Variants in ST8SIA5 observed in about 807,000 individuals in gnomAD.
ST8SIA5 encodes ST8 alpha-N-acetyl-neuraminide alpha-2,8-sialyltransferase 5.
ST8SIA5 carries 24 observed loss-of-function variants against 40.2 expected under a neutral mutation model. The ratio of observed to expected loss-of-function variants is 0.60; its 90% CI spans 0.43 to 0.84. ST8SIA5 has a LOEUF of 0.84. ST8SIA5 is among the 40% of genes least tolerant of loss of function. ST8SIA5 has a pLI of 0.00. For synonymous variants in ST8SIA5, 198 were observed against 201.8 expected, an observed-to-expected ratio of 0.98 and a Z score of 0.16; for missense variants, 465 against 498.5, an observed-to-expected ratio of 0.93 and a Z score of 0.64.
At chr18:46,692,774 A>G (rs114360693) in intron 2 of ST8SIA5, among the ~76,000 whole-genome samples, 165 of 151,922 alleles carry the variant, frequency 1.1e-3, no homozygotes, top group African/African-American at 3.8e-3. Context: ...TTAGCAAACA[A>G]CTGTCCTGCA....
At chr18:46,710,760 G>T (rs1397496381) in intron 1 of ST8SIA5, among the ~76,000 whole-genome samples, 1 of 151,904 alleles carries the variant, frequency 6.6e-6, no homozygotes, top group East Asian at 1.9e-4. Flanking sequence ...TCCCCTGTTG[G>T]CCTGATTCCC....
chr18:46,704,310 G>A (rs1040437259), intron 2 of ST8SIA5, among the ~76,000 whole-genome samples: 1 of 152,136 alleles, frequency 6.6e-6, no homozygotes, highest in African/African-American at 2.4e-5. Context: ...AGTAATTGAG[G>A]CGGGGACTTT....
At chr18:46,720,765 C>G (rs1230882559) in intron 1 of ST8SIA5, among the ~76,000 whole-genome samples, 2 of 152,194 alleles carry the variant, frequency 1.3e-5, no homozygotes, top group Non-Finnish European at 2.9e-5. Flanking sequence ...CCACAATACC[C>G]TCCCTGCAAT....
At position 46,669,318 on chromosome 18, in the gene ST8SIA5, A is replaced by C. The variant is rs1385443624; in HGVS notation, c.*10724T>G. 2 of 152,278 alleles carry C rather than the reference A, an allele frequency of 1.3e-5. No homozygotes were observed. Among genetic ancestry groups the C allele is most frequent in the African/African-American group, 4.8e-5 (2 of 41,444 alleles). The allele number at this position is 152,278 out of a possible 1,614,324, so 9.4% of individuals were successfully genotyped here. A position where few individuals can be genotyped will look rare whatever the true frequency, so the allele number is the denominator to read the frequency against. On this transcript the variant is annotated 3_prime_UTR_variant, in exon 7 of 7. Transcript: ENST00000315087. Reference sequence around the variant, plus strand: ...CCTTGAGGAAGCCTTGGCACCCAAAAGGAGATGTCCATCACCCACCATGGG... The same window carrying C: ...CCTTGAGGAAGCCTTGGCACCCAAACGGAGATGTCCATCACCCACCATGGG...
chr18:46,755,660 C>CT (rs1436957578), intron 1 of ST8SIA5, among the ~76,000 whole-genome samples: 1 of 152,090 alleles, frequency 6.6e-6, no homozygotes, highest in East Asian at 1.9e-4. Context: ...TCCTACTGCT[C>CT]TTTCTCTTGG....
chr18:46,685,836 T>C (rs2039440730), intron 5 of ST8SIA5: 1 of 284,526 alleles, frequency 3.5e-6, no homozygotes, highest in African/African-American at 2.1e-5. Context: ...TTCCAACCAC[T>C]GCTTCTGGAA....
At chr18:46,713,071 G>A (rs1313407716) in intron 1 of ST8SIA5, among the ~76,000 whole-genome samples, 1 of 152,192 alleles carries the variant, frequency 6.6e-6, no homozygotes, top group Admixed American at 6.5e-5. Context: ...CTGGGCCTGT[G>A]GGCCACCCAG....
intron 1 of ST8SIA5, among the ~76,000 whole-genome samples, chr18:46,726,007 A>ATATATATATC (rs1599137439): frequency 4.6e-5 from 3 of 65,284 alleles, no homozygotes; most frequent in Non-Finnish European, 8.6e-5. Context: ...ATATATATAT[A>ATATATATATC]TATCCTGGAT....
At chr18:46,746,613 G>A (rs1265740234) in intron 1 of ST8SIA5, among the ~76,000 whole-genome samples, 1 of 152,156 alleles carries the variant, frequency 6.6e-6, no homozygotes, top group East Asian at 1.9e-4. Context: ...TGGATAGGAA[G>A]AATCAATATC....
rs1416752003 is a variant in ST8SIA5 at position 46,756,769 on chromosome 18, A to G, written c.-261T>C. The G allele has an allele frequency of 1.4e-5, 6 of 417,374 alleles. No individual in the cohort carries two copies. Among genetic ancestry groups the G allele is most frequent in the African/African-American group, 2.1e-5 (1 of 47,436 alleles). The allele number at this position is 417,374 out of a possible 1,614,324, so 25.9% of individuals were successfully genotyped here. On this transcript the variant is annotated 5_prime_UTR_variant, in exon 1 of 7. Coordinates refer to ENST00000315087, the MANE Select transcript of ST8SIA5 (RefSeq NM_013305.6). Reference sequence around the variant, plus strand: ...CCAGGGGCCTTCCCCACCCCCGGGTACCTTTACCTCCAGGCGCCGGTGCCG... The same window carrying G: ...CCAGGGGCCTTCCCCACCCCCGGGTGCCTTTACCTCCAGGCGCCGGTGCCG...
chr18:46,683,553 AG>A (rs547150396), intron 5 of ST8SIA5, among the ~76,000 whole-genome samples: 11 of 152,160 alleles, frequency 7.2e-5, no homozygotes, highest in Non-Finnish European at 7.4e-5. Context: ...CCAGACTATA[AG>A]GGACGGTGGG....
intron 2 of ST8SIA5, among the ~76,000 whole-genome samples, chr18:46,692,481 G>A (rs958209838): frequency 6.6e-6 from 1 of 151,752 alleles, no homozygotes; most frequent in Non-Finnish European, 1.5e-5. Context: ...TCAGCTCACT[G>A]CAACCTCCGC....
chr18:46,748,095 T>C (rs1269691914), intron 1 of ST8SIA5, among the ~76,000 whole-genome samples: 1 of 151,984 alleles, frequency 6.6e-6, no homozygotes, highest in Non-Finnish European at 1.5e-5. Flanking sequence ...GGGGGAGGGA[T>C]AGCATTAGGA....
At chr18:46,686,882 T>C (rs1310438257) in intron 4 of ST8SIA5, among the ~76,000 whole-genome samples, 1 of 151,782 alleles carries the variant, frequency 6.6e-6, no homozygotes, top group Non-Finnish European at 1.5e-5. Context: ...TCCATATGGC[T>C]GTTTCCTAAA....
At chr18:46,721,851 G>A (rs1050251053) in intron 1 of ST8SIA5, among the ~76,000 whole-genome samples, 1 of 152,138 alleles carries the variant, frequency 6.6e-6, no homozygotes, top group African/African-American at 2.4e-5. Flanking sequence ...CTCCTCAAAA[G>A]CCAGACACAC....
chr18:46,693,341 G>A (rs1408606917), intron 2 of ST8SIA5, among the ~76,000 whole-genome samples: 2 of 152,160 alleles, frequency 1.3e-5, no homozygotes, highest in African/African-American at 4.8e-5. Flanking sequence ...AGCAGGGCAT[G>A]CCCTTCTCTT....
intron 1 of ST8SIA5, among the ~76,000 whole-genome samples, chr18:46,730,566 T>C (rs2144544553): frequency 6.6e-6 from 1 of 152,258 alleles, no homozygotes; most frequent in East Asian, 1.9e-4. Flanking sequence ...TTTCAAAAAA[T>C]AAACAAAAGT....
At chr18:46,686,617 G>C (rs886777797) in intron 4 of ST8SIA5, among the ~76,000 whole-genome samples, 24 of 152,174 alleles carry the variant, frequency 1.6e-4, no homozygotes, top group African/African-American at 5.8e-4. Flanking sequence ...AGCCTGGTGG[G>C]GTCTCATGGA....
intron 1 of ST8SIA5, 151 bp downstream of exon 1, chr18:46,756,227 G>A (rs1314250021): frequency 7.0e-6 from 8 of 1,146,650 alleles, no homozygotes; most frequent in South Asian, 1.8e-5. Context: ...GAAACGCGGT[G>A]GCCCAAGCCT....
Sources: allele counts gnomAD v4.1 joint callset (sites outside exome capture counted in the v4.1 genomes callset), GRCh38; gene constraint gnomAD v4.1.1; transcripts MANE v1.5; gene names NCBI Gene and HGNC (gene_info 2026-07-23, HGNC 2026-07-21).